Variants in IL6ST observed in about 807,000 individuals in gnomAD.
The protein encoded by IL6ST is interleukin-6 receptor subunit beta.
IL6ST carries 24 observed loss-of-function variants against 91.3 expected under a neutral mutation model. That is an observed-to-expected ratio of 0.26 (90% CI 0.19 to 0.37). The LOEUF (loss-of-function observed/expected upper bound fraction) is 0.37. IL6ST is among the 10% of genes least tolerant of loss of function. IL6ST has a pLI of 1.00. For synonymous variants in IL6ST, 351 were observed against 373.6 expected (o/e 0.94, Z 0.70); for missense variants, 914 against 1,078.5 (o/e 0.85, Z 2.14).
rs1203470606 is a variant in IL6ST, at chr5:55,956,016, G to A, written c.1267+9C>T. On this transcript the variant is annotated intron_variant, in intron 10 of 16. Coordinates refer to ENST00000381298, the MANE Select transcript of IL6ST (RefSeq NM_002184.4). ...CCCAAGAGTCAGGCTCCATCTCACAGATACAAACCTTGAAAGTCACAGGCA... is the reference window on the plus strand; with the variant it reads ...CCCAAGAGTCAGGCTCCATCTCACAAATACAAACCTTGAAAGTCACAGGCA... 2 of 1,599,592 alleles carry A rather than the reference G, an allele frequency of 1.3e-6. No individual in the cohort carries two copies. Among genetic ancestry groups the A allele is most frequent in the Admixed American group, 3.3e-5 (2 of 59,998 alleles).
intron 16 of IL6ST, 102 bp downstream of exon 16, chr5:55,942,568 G>T: frequency 3.7e-6 from 2 of 544,398 alleles, no homozygotes; most frequent in Non-Finnish European, 6.6e-6. Flanking sequence ...CTTATCTTTT[G>T]GTACATTTGT....
intron 11 of IL6ST, 113 bp downstream of exon 11, chr5:55,954,697 G>A: frequency 1.5e-6 from 1 of 688,516 alleles, no homozygotes; most frequent in Non-Finnish European, 2.4e-6. Flanking sequence ...AAGTAGTGAG[G>A]CTATGATAAA....
chr5:55,945,387 A>G lies in IL6ST; in HGVS notation c.1937+2106T>C, dbSNP rs79089330. Among the ~76,000 whole-genome samples, 1,104 of 152,278 alleles carry G rather than the reference A, an allele frequency of 7.2e-3. 6 individuals are homozygous for G. Among genetic ancestry groups the G allele is most frequent in the Non-Finnish European group, 8.4e-3 (571 of 68,026 alleles). On this transcript the variant is annotated intron_variant, in intron 15 of 16. Coordinates refer to ENST00000381298, the MANE Select transcript of IL6ST (RefSeq NM_002184.4). ...TGCTTTTGGCAAAGGTACCAAAGCA[A>G]TTCAATGGGGAAAAGACACTCTTTT...
chr5:55,965,855 A>G (rs972733537), intron 5 of IL6ST, among the ~76,000 whole-genome samples: 1 of 152,002 alleles, frequency 6.6e-6, no homozygotes, highest in African/African-American at 2.4e-5. Context: ...CAATTTGAGT[A>G]AACTGCCACT....
intron 14 of IL6ST, 143 bp downstream of exon 14, chr5:55,951,321 G>C: frequency 1.5e-6 from 1 of 660,188 alleles, no homozygotes; most frequent in East Asian, 2.8e-5. Context: ...TTTCTATAAA[G>C]AAACCACCAA....
chr5:55,948,956 T>G (rs1310746753), intron 14 of IL6ST: 1 of 152,160 alleles, frequency 6.6e-6, no homozygotes, highest in Non-Finnish European at 1.5e-5. Context: ...TCAAGCCATG[T>G]GAAGAAGCCA....
Position 55,957,264 on chromosome 5 carries a change from T to C in IL6ST, c.1001A>G (p.Tyr334Cys), listed in dbSNP as rs765826097. ...DRPSKAPSFW[Y>C]KIDPSHTQGY... ...TTGAGTATGGGATGGATCTATTTTA[T>C]ACCAGAAACTTGGTGCTTTAGATGG... is the stretch of plus-strand genomic sequence containing the variant. The change falls in exon 9 of 17, where the codon TAT becomes TGT. Residue 334 changes from tyrosine (Y) to cysteine (C), a missense_variant. Coordinates refer to ENST00000381298, the MANE Select transcript of IL6ST (RefSeq NM_002184.4). 6 of 1,564,504 alleles carry C rather than the reference T, an allele frequency of 3.8e-6. No individual in the cohort carries two copies. In the East Asian group the frequency reaches 6.9e-5, roughly 18 times the overall value.
intron 2 of IL6ST, among the ~76,000 whole-genome samples, chr5:55,977,643 T>C (rs1285287101): frequency 6.6e-6 from 1 of 152,082 alleles, no homozygotes; most frequent in Non-Finnish European, 1.5e-5. Flanking sequence ...CTGGCCAACA[T>C]GGTGAAACCC....
chr5:55,972,324 A>T (rs1239578399), intron 3 of IL6ST, among the ~76,000 whole-genome samples: 1 of 151,730 alleles, frequency 6.6e-6, no homozygotes, highest in Non-Finnish European at 1.5e-5. Flanking sequence ...CATCGTGGCT[A>T]ACATAGTGAA....
At chr5:55,968,481 T>C (rs575407165) in intron 4 of IL6ST, 85 bp from the exon 5 acceptor site, 1 of 1,288,186 alleles carries the variant, frequency 7.8e-7, no homozygotes, top group Non-Finnish European at 1.1e-6. Context: ...GCATTTGCGA[T>C]CTAAATTAGA....
chr5:55,974,516 A>G (rs1753156006), intron 3 of IL6ST, among the ~76,000 whole-genome samples: 1 of 151,150 alleles, frequency 6.6e-6, no homozygotes, highest in Non-Finnish European at 1.5e-5. Context: ...ACAGGGTTTC[A>G]CTCTGTCACC....
intron 6 of IL6ST, among the ~76,000 whole-genome samples, 154 bp from the exon 7 acceptor site, chr5:55,963,660 T>C (rs2111769911): frequency 6.6e-6 from 1 of 152,264 alleles, no homozygotes; most frequent in South Asian, 2.1e-4. Flanking sequence ...GCTATATACC[T>C]TATAATGGAA....
chr5:55,974,956 T>TACAC (rs3039924), intron 3 of IL6ST, among the ~76,000 whole-genome samples: 103 of 114,624 alleles, frequency 9.0e-4, no homozygotes, highest in South Asian at 5.9e-3. Context: ...CACACACACA[T>TACAC]ACACACACAC....
intron 1 of IL6ST, among the ~76,000 whole-genome samples, chr5:55,992,152 G>A (rs1754369622): frequency 2.0e-5 from 3 of 152,262 alleles, no homozygotes; most frequent in Non-Finnish European, 2.9e-5. Flanking sequence ...TGCTGTCAGT[G>A]TACTCTTACA....
chr5:55,940,617 A>G lies in IL6ST; in HGVS notation c.*465T>C. 4.6e-6 allele frequency: 1 copy of G among 216,762 alleles called. No individual in the cohort carries two copies. Among genetic ancestry groups the G allele is most frequent in the Non-Finnish European group, 9.3e-6 (1 of 107,720 alleles). 13.4% of individuals were successfully genotyped at this position (216,762 alleles called of 1,614,324 possible). On this transcript the variant is annotated 3_prime_UTR_variant, in exon 17 of 17. Transcript: ENST00000381298. The stretch of plus-strand genomic sequence containing the variant: ...AGTTATGGCCTATGGACCTCTTTTT[A>G]AGTTATTTTAGCAGAAGTAGATGAT...
intron 14 of IL6ST, among the ~76,000 whole-genome samples, chr5:55,949,431 C>T (rs188451640): frequency 3.9e-5 from 6 of 152,164 alleles, no homozygotes; most frequent in Non-Finnish European, 8.8e-5. Flanking sequence ...GCTATGACTG[C>T]ACCACTGCAC....
At chr5:55,975,545 A>C (rs1441875126) in intron 3 of IL6ST, among the ~76,000 whole-genome samples, 1 of 152,134 alleles carries the variant, frequency 6.6e-6, no homozygotes, top group African/African-American at 2.4e-5. Context: ...GCTAATTAAA[A>C]AAAAAAATTG....
chr5:55,990,222 GATCA>G (rs1342365170), intron 1 of IL6ST, among the ~76,000 whole-genome samples: 2 of 151,394 alleles, frequency 1.3e-5, no homozygotes, highest in African/African-American at 4.9e-5. Context: ...TCTTATTCAC[GATCA>G]ATCAGCTAAT....
At position 55,951,621 on chromosome 5, in the gene IL6ST, CTG is replaced by C. The variant is rs772595129; in HGVS notation, c.1700-19_1700-18del. On this transcript the variant is annotated intron_variant, in intron 13 of 16. Transcript: ENST00000381298. ...CATTCACAGCTGGAAGAAATAAGAA[CTG>C]TGCTTCATTCAACTATTCAATGCTT... 1.2e-6 allele frequency: 2 copies of C among 1,605,606 alleles called. No individual in the cohort carries two copies. The highest frequency in any genetic ancestry group is 2.7e-5 in the African/African-American group (2 of 74,594).
Sources: allele counts gnomAD v4.1 joint callset (sites outside exome capture counted in the v4.1 genomes callset), GRCh38; gene constraint gnomAD v4.1.1; transcripts MANE v1.5; gene names NCBI Gene and HGNC (gene_info 2026-07-23, HGNC 2026-07-21).